PTPRR: variants seen among roughly 807,000 people sequenced by gnomAD.
PTPRR encodes receptor-type tyrosine-protein phosphatase R.
Under a neutral mutation model 77.2 loss-of-function variants are expected in PTPRR, and 38 were observed. The ratio of observed to expected loss-of-function variants is 0.49; its 90% CI spans 0.38 to 0.65. PTPRR has a LOEUF of 0.65. Ranked by LOEUF, PTPRR falls within the 30% of genes least tolerant of loss-of-function variation. The pLI is 0.00. For synonymous variants in PTPRR, 299 were observed against 283.1 expected, an observed-to-expected ratio of 1.06 and a Z score of -0.57; for missense variants, 744 against 799.2, an observed-to-expected ratio of 0.93 and a Z score of 0.83.
At chr12:70,869,781 A>G (rs370373308) in intron 2 of PTPRR, among the ~76,000 whole-genome samples, 4 of 152,224 alleles carry the variant, frequency 2.6e-5, no homozygotes, top group East Asian at 3.9e-4. Flanking sequence ...AAGGCAAGGA[A>G]CCAATTTTTC....
chr12:70,662,647 T>A, intron 10 of PTPRR, 42 bp from the exon 11 acceptor site: 4 of 1,179,982 alleles, frequency 3.4e-6, no homozygotes, highest in South Asian at 1.3e-5. Context: ...TTAATGGCTT[T>A]TATTAGCCAT....
intron 2 of PTPRR, among the ~76,000 whole-genome samples, chr12:70,781,819 C>G (rs998315903): frequency 3.9e-5 from 6 of 152,142 alleles, no homozygotes; most frequent in Non-Finnish European, 5.9e-5. Flanking sequence ...CTTTATACTA[C>G]AGCAATAGTG....
intron 10 of PTPRR, among the ~76,000 whole-genome samples, chr12:70,670,192 C>T (rs1887167961): frequency 6.6e-6 from 1 of 152,158 alleles, no homozygotes; most frequent in South Asian, 2.1e-4. Flanking sequence ...CTGTGTTAAA[C>T]TGAGAGCAGT....
chr12:70,684,758 TC>T lies in PTPRR; in HGVS notation c.1304del (p.Arg435AsnfsTer5). 6.2e-7 allele frequency: 1 copy of T among 1,607,624 alleles called. No homozygotes were observed. The highest frequency in any genetic ancestry group is 1.3e-5 in the African/African-American group (1 of 74,836). ...LPNPLSRVCL[R>X]PKNVTDSLST... is the part of the protein sequence containing the mutation. ...TCAATGAATCGGTTACATTTTTTGG[TC>T]TTAAACACACTCTGCTGAGGGGATC... On this transcript the variant is annotated frameshift_variant, in exon 9 of 14. Coordinates refer to ENST00000283228, the MANE Select transcript of PTPRR (RefSeq NM_002849.4). LOFTEE classifies it high-confidence loss of function.
At chr12:70,873,546 G>A (rs998413452) in intron 2 of PTPRR, among the ~76,000 whole-genome samples, 2 of 152,134 alleles carry the variant, frequency 1.3e-5, no homozygotes, top group Admixed American at 6.5e-5. Context: ...ACAATGCAAC[G>A]TCTTTAAGAG....
chr12:70,827,304 G>A lies in PTPRR; in HGVS notation c.358-62526C>T, dbSNP rs572408583. ...CTTAATAAATGAATAGTAGGTATCC[G>A]TCTTGATCATTTTGGACTGATATAA... On this transcript the variant is annotated intron_variant, in intron 2 of 13. Transcript: ENST00000283228. Among the ~76,000 whole-genome samples the A allele has an allele frequency of 6.6e-5, 10 of 152,280 alleles. No individual in the cohort carries two copies. The South Asian group carries it at 8.3e-4, about 13-fold the overall frequency.
At chr12:70,855,882 C>T (rs940966084) in intron 2 of PTPRR, among the ~76,000 whole-genome samples, 10 of 151,984 alleles carry the variant, frequency 6.6e-5, no homozygotes, top group Non-Finnish European at 8.8e-5. Context: ...TGGGAATTTG[C>T]GATACAATTG....
At chr12:70,746,405 T>G (rs2136929208) in intron 5 of PTPRR, among the ~76,000 whole-genome samples, 1 of 152,278 alleles carries the variant, frequency 6.6e-6, no homozygotes, top group Non-Finnish European at 1.5e-5. Context: ...GGGGAAATGG[T>G]AGGCTTACAG....
chr12:70,855,336 C>T (rs1892634187), intron 2 of PTPRR, among the ~76,000 whole-genome samples: 1 of 152,160 alleles, frequency 6.6e-6, no homozygotes, highest in Admixed American at 6.6e-5. Context: ...AAAGGATTTG[C>T]TGGTGTCAAT....
At chr12:70,699,841 C>T (rs1888357119) in intron 7 of PTPRR, among the ~76,000 whole-genome samples, 1 of 152,102 alleles carries the variant, frequency 6.6e-6, no homozygotes, top group African/African-American at 2.4e-5. Flanking sequence ...TTTATTCCTC[C>T]CCTTCTTCCT....
intron 5 of PTPRR, among the ~76,000 whole-genome samples, chr12:70,746,333 A>G (rs889063119): frequency 2.0e-5 from 3 of 152,164 alleles, no homozygotes; most frequent in Non-Finnish European, 2.9e-5. Flanking sequence ...TTCCACAAAG[A>G]TATATTCAAA....
At chr12:70,868,626 T>A (rs1174297747) in intron 2 of PTPRR, among the ~76,000 whole-genome samples, 2 of 152,134 alleles carry the variant, frequency 1.3e-5, no homozygotes, top group Non-Finnish European at 2.9e-5. Context: ...GAAGTCAGTG[T>A]GGCGATTCCT....
intron 2 of PTPRR, among the ~76,000 whole-genome samples, chr12:70,803,847 C>T (rs1456200654): frequency 1.3e-5 from 2 of 152,042 alleles, no homozygotes; most frequent in Non-Finnish European, 2.9e-5. Flanking sequence ...TTTACTGCCA[C>T]TAAGGTGTGC....
chr12:70,705,337 C>T (rs1354109565), intron 6 of PTPRR, among the ~76,000 whole-genome samples: 1 of 151,982 alleles, frequency 6.6e-6, no homozygotes, highest in Non-Finnish European at 1.5e-5. Context: ...AGTTGGGGAC[C>T]ATAATGCTAG....
chr12:70,660,082 C>T (rs1886738777), intron 12 of PTPRR, among the ~76,000 whole-genome samples: 1 of 151,788 alleles, frequency 6.6e-6, no homozygotes, highest in African/African-American at 2.4e-5. Context: ...GAGGCTGAGG[C>T]AGGGGAATCA....
chr12:70,726,476 C>T (rs909292803), intron 6 of PTPRR, among the ~76,000 whole-genome samples: 1 of 151,936 alleles, frequency 6.6e-6, no homozygotes, highest in African/African-American at 2.4e-5. Flanking sequence ...AGTTTTGACT[C>T]TTATGAGTTA....
chr12:70,687,515 A>T (rs138330783), intron 8 of PTPRR, among the ~76,000 whole-genome samples: 1 of 152,162 alleles, frequency 6.6e-6, no homozygotes, highest in South Asian at 2.1e-4. Context: ...TGATCATGCC[A>T]TATGGAAGCA....
Position 70,732,849 on chromosome 12 carries a change from A to G in PTPRR, c.1007+12969T>C, listed in dbSNP as rs189088656. The stretch of plus-strand genomic sequence containing the variant: ...GCTAGGATTACAGGCATGAGCCACT[A>G]TGCCCGGCGCATCATCTATTTTTAT... On this transcript the variant is annotated intron_variant, in intron 6 of 13. Coordinates refer to ENST00000283228, the MANE Select transcript of PTPRR (RefSeq NM_002849.4). Among the ~76,000 whole-genome samples the G allele has an allele frequency of 9.3e-4, 141 of 152,154 alleles. 1 individual carries two copies. The highest frequency in any genetic ancestry group is 3.3e-3 in the African/African-American group (138 of 41,546).
intron 2 of PTPRR, among the ~76,000 whole-genome samples, chr12:70,779,127 C>T (rs549510553): frequency 5.9e-5 from 9 of 151,964 alleles, no homozygotes; most frequent in East Asian, 3.9e-4. Flanking sequence ...GGTTTACAGG[C>T]GTGAGCCACC....
Sources: allele counts gnomAD v4.1 joint callset (sites outside exome capture counted in the v4.1 genomes callset), GRCh38; gene constraint gnomAD v4.1.1; transcripts MANE v1.5; gene names NCBI Gene and HGNC (gene_info 2026-07-23, HGNC 2026-07-21).